The following CLCN5 variants were observed in gnomAD, a reference collection of about 807,000 sequenced individuals.
CLCN5 encodes the protein H(+)/Cl(-) exchange transporter 5.
CLCN5 carries 17 observed loss-of-function variants against 54.0 expected under a neutral mutation model. That is an observed-to-expected ratio of 0.31 (90% confidence interval 0.22 to 0.47). The LOEUF (loss-of-function observed/expected upper bound fraction) is 0.47, where lower values mean the gene tolerates loss of function less well. Ranked by LOEUF, CLCN5 falls within the 20% of genes least tolerant of loss-of-function variation. CLCN5 has a pLI of 1.00. For synonymous variants in CLCN5, 222 were observed against 233.0 expected, an observed-to-expected ratio of 0.95 and a Z score of 0.43; for missense variants, 448 against 646.7, an observed-to-expected ratio of 0.69 and a Z score of 3.33.
Position 50,080,680 on chromosome X carries a change from G to A in CLCN5, c.690G>A (p.Val230=), listed in dbSNP as rs1292251538. 1 of 1,205,528 alleles carries A rather than the reference G, an allele frequency of 8.3e-7. No individual in the cohort carries two copies. Among genetic ancestry groups the A allele is most frequent in the Non-Finnish European group, 1.1e-6 (1 of 890,369 alleles). The change falls in exon 8 of 15, where the codon GTG becomes GTA. Residue 230 remains valine, a synonymous_variant. Transcript: ENST00000376091. ...TCCTTGCCGTATCTCTTGTCAAGGT[G>A]TTTGCGCCTTATGCCTGTGGCTCTG... ...FAFLAVSLVK[V]FAPYACGSGI...
At chrX:49,961,858 T>A (rs1557174734) in intron 3 of CLCN5, among the ~76,000 whole-genome samples, 1 of 112,230 alleles carries the variant, frequency 8.9e-6, no homozygotes, top group African/African-American at 3.2e-5. Flanking sequence ...CATTTCTTCC[T>A]GCTCTTTGTG....
intron 4 of CLCN5, among the ~76,000 whole-genome samples, chrX:50,043,304 T>C (rs1420481546): frequency 8.9e-6 from 1 of 111,836 alleles, no homozygotes; most frequent in Non-Finnish European, 1.9e-5. Context: ...AAGCTTCTAT[T>C]GATGCACATT....
intron 3 of CLCN5, chrX:50,003,115 G>A (rs782265396): frequency 8.3e-5 from 31 of 372,458 alleles, no homozygotes; most frequent in South Asian, 7.4e-4. Context: ...TCTGGGATAC[G>A]CATGCACACA....
At chrX:50,000,078 C>T (rs1929723076) in intron 3 of CLCN5, among the ~76,000 whole-genome samples, 1 of 110,941 alleles carries the variant, frequency 9.0e-6, no homozygotes, top group African/African-American at 3.3e-5. Context: ...CACAGAACTA[C>T]AGTGAGCTTT....
At chrX:50,019,489 T>A (rs868946463) in intron 3 of CLCN5, among the ~76,000 whole-genome samples, 3,297 of 75,985 alleles carry the variant, frequency 0.043, 267 homozygotes, top group African/African-American at 0.18. Flanking sequence ...TTTTTTTTTT[T>A]ATTATACTCT....
At chrX:50,012,759 C>A (rs1344756066) in intron 3 of CLCN5, among the ~76,000 whole-genome samples, 2 of 111,888 alleles carry the variant, frequency 1.8e-5, no homozygotes, top group Non-Finnish European at 3.8e-5. Flanking sequence ...AATGCCAATT[C>A]TTGGGCTCAT....
chrX:50,049,821 GCC>G (rs1932521122), intron 4 of CLCN5, among the ~76,000 whole-genome samples: 2 of 111,784 alleles, frequency 1.8e-5, no homozygotes, highest in African/African-American at 6.5e-5. Flanking sequence ...TAGTTTCACT[GCC>G]TTAACAAGTC....
intron 3 of CLCN5, among the ~76,000 whole-genome samples, chrX:49,936,723 G>A (rs181028913): frequency 1.5e-3 from 171 of 112,200 alleles, no homozygotes; most frequent in Middle Eastern, 4.7e-3. Flanking sequence ...AGCGCACTTT[G>A]AAAGACTTTT....
chrX:49,941,891 C>T (rs1289645331), intron 3 of CLCN5, among the ~76,000 whole-genome samples: 1 of 105,247 alleles, frequency 9.5e-6, no homozygotes, highest in Admixed American at 1.0e-4. Flanking sequence ...TTTTTACCTG[C>T]CCAATGATAT....
intron 3 of CLCN5, among the ~76,000 whole-genome samples, chrX:49,959,702 A>G (rs1557174329): frequency 9.0e-6 from 1 of 111,366 alleles, no homozygotes; most frequent in Admixed American, 9.5e-5. Context: ...TTTCATTGGC[A>G]CAGACCTATC....
chrX:49,983,333 C>T (rs1928840113), intron 3 of CLCN5, among the ~76,000 whole-genome samples: 1 of 111,719 alleles, frequency 9.0e-6, no homozygotes, highest in African/African-American at 3.3e-5. Context: ...ATTTGGTTTT[C>T]TCTTTATTTT....
intron 3 of CLCN5, among the ~76,000 whole-genome samples, chrX:49,934,073 C>T (rs189727224): frequency 1.7e-4 from 19 of 110,807 alleles, no homozygotes; most frequent in East Asian, 1.1e-3. Context: ...CTGCCCAGCC[C>T]GCTCTTTCTC....
At chrX:50,001,270 T>A (rs1405926249) in intron 3 of CLCN5, among the ~76,000 whole-genome samples, 1 of 110,934 alleles carries the variant, frequency 9.0e-6, no homozygotes, top group Non-Finnish European at 1.9e-5. Context: ...TATACTGGAG[T>A]GTTTGTACCA....
chrX:49,997,336 C>G (rs184466870), intron 3 of CLCN5, among the ~76,000 whole-genome samples: 2 of 111,057 alleles, frequency 1.8e-5, no homozygotes, highest in Admixed American at 1.9e-4. Context: ...CTAGCTCATT[C>G]TGCTGATCAG....
rs151204120 is a variant in CLCN5, at chrX:50,045,954, A to G, written c.163+3492A>G. On this transcript the variant is annotated intron_variant, in intron 4 of 14. Coordinates refer to ENST00000376091, the MANE Select transcript of CLCN5 (RefSeq NM_001127898.4). ...TACTACATTTTGTACCAGGCACAAT[A>G]GCACGTACTAAAAAGATTAGTGAGA... Among the ~76,000 whole-genome samples the G allele has an allele frequency of 6.4e-4, 72 of 112,591 alleles. No individual in the cohort carries two copies. The East Asian group carries it at 0.014, about 22-fold the overall frequency.
intron 10 of CLCN5, 127 bp downstream of exon 10, chrX:50,086,187 A>G (rs1933879412): frequency 3.4e-6 from 3 of 877,455 alleles, no homozygotes; most frequent in South Asian, 2.1e-5. Flanking sequence ...GCTCTCCCCA[A>G]CTTGGTGCTT....
At chrX:50,026,234 A>G (rs901267225) in intron 3 of CLCN5, among the ~76,000 whole-genome samples, 12 of 112,236 alleles carry the variant, frequency 1.1e-4, no homozygotes, top group Non-Finnish European at 2.3e-4. Context: ...CTGAGAGCAT[A>G]CTTTGCATGA....
chrX:50,002,549 A>ACTT (rs1273495740), intron 3 of CLCN5, among the ~76,000 whole-genome samples: 2 of 111,122 alleles, frequency 1.8e-5, no homozygotes, highest in African/African-American at 6.6e-5. Context: ...CACTTCTCAT[A>ACTT]CTTCTCACTT....
chrX:49,939,727 A>G (rs1557170398), intron 3 of CLCN5, among the ~76,000 whole-genome samples: 1 of 111,183 alleles, frequency 9.0e-6, no homozygotes, highest in Non-Finnish European at 1.9e-5. Flanking sequence ...AACATGGCAC[A>G]TGTATACATA....
Sources: gnomAD v4.1 joint callset for allele counts (sites outside exome capture counted in the v4.1 genomes callset) on GRCh38, gnomAD v4.1.1 for gene constraint, MANE v1.5 for transcripts, NCBI Gene and HGNC (gene_info 2026-07-23, HGNC 2026-07-21) for gene names.